The following ZNF609 variants were observed in gnomAD, a reference collection of about 807,000 sequenced individuals.
ZNF609 encodes zinc finger protein 609.
In ZNF609, 11 loss-of-function variants were observed where a neutral mutation model predicts 109.5. The ratio of observed to expected loss-of-function variants is 0.10; its 90% CI spans 0.06 to 0.17. The LOEUF (loss-of-function observed/expected upper bound fraction) is 0.17. Among genes scored for constraint, ZNF609 ranks in the 10% least tolerant of loss-of-function variants. The pLI is 1.00. For synonymous variants in ZNF609, 646 were observed against 662.0 expected, an observed-to-expected ratio of 0.98 and a Z score of 0.37; for missense variants, 1,559 against 1,772.4, an observed-to-expected ratio of 0.88 and a Z score of 2.16.
At chr15:64,602,412 A>G (rs1196150005) in intron 2 of ZNF609, among the ~76,000 whole-genome samples, 1 of 152,192 alleles carries the variant, frequency 6.6e-6, no homozygotes, top group Non-Finnish European at 1.5e-5. Context: ...GCAGGTTACT[A>G]GTAGTAATTA....
chr15:64,522,462 T>C (rs1317551396), intron 2 of ZNF609, among the ~76,000 whole-genome samples: 1 of 152,214 alleles, frequency 6.6e-6, no homozygotes, highest in African/African-American at 2.4e-5. Context: ...TGGCCCTGCT[T>C]GGCTAGATTT....
chr15:64,627,672 T>TTC (rs1233655703), intron 3 of ZNF609, among the ~76,000 whole-genome samples: 1 of 139,298 alleles, frequency 7.2e-6, no homozygotes, highest in East Asian at 2.1e-4. Flanking sequence ...TCTTTTTTTT[T>TTC]TTTTTTTTTT....
intron 3 of ZNF609, chr15:64,643,633 A>G (rs377167132): frequency 6.6e-6 from 1 of 152,190 alleles, no homozygotes; most frequent in African/African-American, 2.4e-5. Context: ...GGCATATTCA[A>G]CTTCTAGAGA....
intron 2 of ZNF609, among the ~76,000 whole-genome samples, chr15:64,583,953 T>A (rs892275780): frequency 6.6e-6 from 1 of 152,224 alleles, no homozygotes; most frequent in Non-Finnish European, 1.5e-5. Flanking sequence ...GGTTTCATCT[T>A]TTTTTGGTCT....
rs35293725 is a variant in ZNF609, at chr15:64,627,663, C to CTTTTTTTTT, written c.973+4625_973+4633dup. Among the ~76,000 whole-genome samples, 15 of 86,008 alleles carry CTTTTTTTTT rather than the reference C, an allele frequency of 1.7e-4. 1 individual carries two copies. Among genetic ancestry groups the CTTTTTTTTT allele is most frequent in the East Asian group, 1.6e-3 (4 of 2,516 alleles). 56.4% of individuals were successfully genotyped at this position (86,008 alleles called of 152,430 possible). A position where few individuals can be genotyped will look rare whatever the true frequency, so the allele number is the denominator to read the frequency against. On this transcript the variant is annotated intron_variant, in intron 3 of 9. Transcript: ENST00000326648. Reference sequence around the variant, plus strand: ...GTTCTTTTTAGTTCTTTTTTTCTTTCTTTTTTTTTTTTTTTTTTTTTTGAG... The same window carrying CTTTTTTTTT: ...GTTCTTTTTAGTTCTTTTTTTCTTTCTTTTTTTTTTTTTTTTTTTTTTTTTTTTTTTGAG...
At chr15:64,469,427 CAAAAAAAAAAAAAAAA>C (rs34210041) in intron 1 of ZNF609, among the ~76,000 whole-genome samples, 1 of 73,574 alleles carries the variant, frequency 1.4e-5, no homozygotes, top group Non-Finnish European at 2.5e-5. Context: ...ACCCTATTTC[CAAAAAAAAAAAAAAAA>C]AAAAAAAAAG....
intron 3 of ZNF609, among the ~76,000 whole-genome samples, chr15:64,668,853 TGAGGCGGAGAATTGCTTGAACCCAG>T (rs1029102087): frequency 4.1e-5 from 6 of 147,174 alleles, no homozygotes; most frequent in African/African-American, 1.5e-4. Flanking sequence ...CTTGGGAGGC[TGAGGCGGAGAATTGCTTGAACCCAG>T]GAGGCGGAGG....
At chr15:64,668,408 G>C (rs1408497796) in intron 3 of ZNF609, among the ~76,000 whole-genome samples, 1 of 152,042 alleles carries the variant, frequency 6.6e-6, no homozygotes, top group Non-Finnish European at 1.5e-5. Flanking sequence ...AGTTCCCTGG[G>C]TTTTCTTTTT....
chr15:64,680,981 ATT>A (rs796962997), intron 8 of ZNF609, 119 bp downstream of exon 8: 100 of 931,484 alleles, frequency 1.1e-4, no homozygotes, highest in Non-Finnish European at 1.2e-4. Flanking sequence ...TCCTTTTTTA[ATT>A]TTTTTTTTTT....
intron 2 of ZNF609, among the ~76,000 whole-genome samples, chr15:64,506,950 A>C (rs1329995900): frequency 6.6e-6 from 1 of 152,210 alleles, no homozygotes; most frequent in Non-Finnish European, 1.5e-5. Flanking sequence ...ACTTTTTAGC[A>C]CTATGGTCTG....
chr15:64,670,373 G>A lies in ZNF609; in HGVS notation c.1001G>A (p.Arg334Lys). 6.2e-7 allele frequency: 1 copy of A among 1,614,042 alleles called. No homozygotes were observed. Among genetic ancestry groups the A allele is most frequent in the Non-Finnish European group, 8.5e-7 (1 of 1,179,964 alleles). Residue 334 changes from arginine (R) to lysine (K), a missense_variant, in exon 4 of 10, where the codon AGG becomes AAG. Around this residue, in one of 4 missense-constraint regions of ZNF609, gnomAD observed 38 missense variants for 82.1 expected, o/e 0.46. Transcript: ENST00000326648. ...ATGTTGGTGGTAAATGTAACGTGGAGGAACAAGACATATGTAGGTACACTC... is the reference window on the plus strand; with the variant it reads ...ATGTTGGTGGTAAATGTAACGTGGAAGAACAAGACATATGTAGGTACACTC... ...DGMLVVNVTW[R>K]NKTYVGTLLD...
chr15:64,623,976 T>C (rs1335940430), intron 3 of ZNF609, among the ~76,000 whole-genome samples: 2 of 152,180 alleles, frequency 1.3e-5, no homozygotes, highest in Non-Finnish European at 2.9e-5. Flanking sequence ...CAGCTAATCA[T>C]CTCTGATTAT....
intron 2 of ZNF609, among the ~76,000 whole-genome samples, chr15:64,578,157 A>AT (rs927397487): frequency 6.6e-6 from 1 of 151,676 alleles, no homozygotes. Flanking sequence ...TTATTTTTTT[A>AT]TTTTTTTGAG....
intron 2 of ZNF609, among the ~76,000 whole-genome samples, chr15:64,546,847 G>A (rs953427152): frequency 1.4e-5 from 2 of 144,086 alleles, no homozygotes; most frequent in East Asian, 4.1e-4. Context: ...CTGGAGTGCA[G>A]TGGCGTGATC....
intron 1 of ZNF609, among the ~76,000 whole-genome samples, chr15:64,468,954 G>A (rs1893052276): frequency 6.8e-6 from 1 of 147,672 alleles, no homozygotes; most frequent in Admixed American, 7.1e-5. Context: ...TGTAGTCCTA[G>A]CACTTTGGGA....
At chr15:64,549,347 C>T (rs773149715) in intron 2 of ZNF609, among the ~76,000 whole-genome samples, 5 of 152,068 alleles carry the variant, frequency 3.3e-5, no homozygotes, top group Non-Finnish European at 5.9e-5. Flanking sequence ...CACACCACCT[C>T]GCCCGGCTAA....
intron 1 of ZNF609, among the ~76,000 whole-genome samples, chr15:64,494,790 G>T (rs192846601): frequency 2.3e-4 from 35 of 152,254 alleles, no homozygotes; most frequent in African/African-American, 8.2e-4. Context: ...CTCCCAAAGT[G>T]CTGGGAGAAC....
At chr15:64,647,985 G>C (rs1896359464) in intron 3 of ZNF609, among the ~76,000 whole-genome samples, 1 of 152,126 alleles carries the variant, frequency 6.6e-6, no homozygotes, top group African/African-American at 2.4e-5. Context: ...TGCTGCATCT[G>C]TTTCTTTTCT....
chr15:64,600,204 A>G (rs1014508155), intron 2 of ZNF609, among the ~76,000 whole-genome samples: 1 of 151,624 alleles, frequency 6.6e-6, no homozygotes, highest in Non-Finnish European at 1.5e-5. Flanking sequence ...TAATCCCAGC[A>G]CTTTGGGAGG....
Sources: allele counts gnomAD v4.1 joint callset (sites outside exome capture counted in the v4.1 genomes callset), GRCh38; gene constraint gnomAD v4.1.1; regional missense constraint gnomAD v4.1.1; transcripts MANE v1.5; gene names NCBI Gene and HGNC (gene_info 2026-07-23, HGNC 2026-07-21).